Variants in TMEM98 observed in about 807,000 individuals in gnomAD.
TMEM98 encodes the protein transmembrane protein 98.
In TMEM98, 18 loss-of-function variants were observed where a neutral mutation model predicts 25.0. That is an observed-to-expected ratio of 0.72 (90% CI 0.50 to 1.07). The LOEUF (loss-of-function observed/expected upper bound fraction) is 1.07. TMEM98 is among the 50% of genes least tolerant of loss of function. TMEM98 has a pLI of 0.00. For missense variants in TMEM98, 241 were observed against 289.0 expected (o/e 0.83, Z 1.20); for synonymous variants, 103 against 112.4 (o/e 0.92, Z 0.53).
rs375617951 is a variant in TMEM98 at position 32,935,012 on chromosome 17, G to GT, written c.297+699dup. Among the ~76,000 whole-genome samples the GT allele has an allele frequency of 1.0e-2, 1,462 of 146,316 alleles. 18 individuals are homozygous for GT. Among genetic ancestry groups the GT allele is most frequent in the African/African-American group, 0.03 (1,210 of 40,154 alleles). On this transcript the variant is annotated intron_variant, in intron 5 of 7. Transcript: ENST00000579849. ...TATTTGGCCAGTTGCAAATATCAGG[G>GT]TTTTTTTTTTTACATCAGTAACCTG...
At chr17:32,934,145 T>A in intron 4 of TMEM98, 146 bp from the exon 5 acceptor site, 1 of 813,674 alleles carries the variant, frequency 1.2e-6, no homozygotes, top group Non-Finnish European at 2.1e-6. Context: ...ATGGGCTGGT[T>A]CATGTTGACA....
chr17:32,942,233 A>G lies in TMEM98; in HGVS notation c.*1240A>G, dbSNP rs960468846. On this transcript the variant is annotated 3_prime_UTR_variant, in exon 8 of 8. Coordinates refer to ENST00000579849, the MANE Select transcript of TMEM98 (RefSeq NM_015544.3). ...ATTATGAAAGCTATGACCCAGAATC[A>G]CAATTATATAATTTGGATACATACC... 1 of 152,220 alleles carries G rather than the reference A, an allele frequency of 6.6e-6. No homozygotes were observed. Among genetic ancestry groups the G allele is most frequent in the African/African-American group, 2.4e-5 (1 of 41,458 alleles). 9.4% of individuals were successfully genotyped at this position (152,220 alleles called of 1,614,324 possible).
intron 1 of TMEM98, 62 bp from the exon 2 acceptor site, chr17:32,931,265 C>T: frequency 2.5e-6 from 1 of 392,218 alleles, no homozygotes; most frequent in Non-Finnish European, 4.5e-6. Context: ...GGAGCAAATT[C>T]TTCTGAGAAA....
chr17:32,929,001 C>T, intron 1 of TMEM98, among the ~76,000 whole-genome samples: 1 of 150,454 alleles, frequency 6.6e-6, no homozygotes, highest in African/African-American at 2.5e-5. Context: ...CACACTCGCT[C>T]AGAAGCACAC....
At chr17:32,936,516 C>A in intron 6 of TMEM98, 69 bp downstream of exon 6, 1 of 1,369,428 alleles carries the variant, frequency 7.3e-7, no homozygotes, top group Non-Finnish European at 1.0e-6. Flanking sequence ...GCTGGGGTAG[C>A]CGCAGAGCTG....
intron 6 of TMEM98, among the ~76,000 whole-genome samples, chr17:32,937,155 G>A (rs1049585468): frequency 6.6e-6 from 1 of 152,206 alleles, no homozygotes; most frequent in African/African-American, 2.4e-5. Context: ...TCGGGGCCAG[G>A]ATGTTTTCCA....
At chr17:32,937,676 C>G (rs2091504244) in intron 6 of TMEM98, among the ~76,000 whole-genome samples, 1 of 152,172 alleles carries the variant, frequency 6.6e-6, no homozygotes, top group Admixed American at 6.5e-5. Flanking sequence ...CTACAACCCC[C>G]ACCTACCGGG....
chr17:32,938,724 A>G (rs1303305890), intron 6 of TMEM98, among the ~76,000 whole-genome samples: 2 of 152,204 alleles, frequency 1.3e-5, no homozygotes, highest in Non-Finnish European at 2.9e-5. Flanking sequence ...TACTGCAGAC[A>G]TACATGACCT....
intron 1 of TMEM98, among the ~76,000 whole-genome samples, chr17:32,928,641 AAC>A (rs1182866756): frequency 6.6e-6 from 1 of 151,696 alleles, no homozygotes; most frequent in Non-Finnish European, 1.5e-5. Context: ...GAGAAAGAAA[AAC>A]ACAAAGAAAC....
At position 32,941,029 on chromosome 17, in the gene TMEM98, G is replaced by T. The variant is rs1391719510; in HGVS notation, c.*36G>T. The stretch of plus-strand genomic sequence containing the variant: ...CCAGCAGCTAGCCATGAAGGCCCCT[G>T]CCGCCATCCCTGGATGGCTCAGCTT... On this transcript the variant is annotated 3_prime_UTR_variant, in exon 8 of 8. Transcript: ENST00000579849. 1 of 1,545,974 alleles carries T rather than the reference G, an allele frequency of 6.5e-7. No individual in the cohort carries two copies. Among genetic ancestry groups the T allele is most frequent in the Non-Finnish European group, 8.8e-7 (1 of 1,138,154 alleles).
At position 32,939,382 on chromosome 17, in the gene TMEM98, G is replaced by C. The variant is rs999603046; in HGVS notation, c.414-95G>C. ...AGATAGCACCACTGCACTCCAGCCTGGGTGACAGAGCGAGACTCTGTCTCA... is the reference window on the plus strand; with the variant it reads ...AGATAGCACCACTGCACTCCAGCCTCGGTGACAGAGCGAGACTCTGTCTCA... On this transcript the variant is annotated intron_variant, in intron 6 of 7. Transcript: ENST00000579849. The C allele has an allele frequency of 2.8e-5, 38 of 1,351,544 alleles. No individual in the cohort carries two copies. In the African/African-American group the frequency reaches 5.2e-4, roughly 19 times the overall value. The allele number at this position is 1,351,544 out of a possible 1,614,324, so 83.7% of individuals were successfully genotyped here. A position where few individuals can be genotyped will look rare whatever the true frequency, so the allele number is the denominator to read the frequency against.
chr17:32,941,982 C>G lies in TMEM98; in HGVS notation c.*989C>G, dbSNP rs1319179179. 1 of 152,172 alleles carries G rather than the reference C, an allele frequency of 6.6e-6. No individual in the cohort carries two copies. The highest frequency in any genetic ancestry group is 1.5e-5 in the Non-Finnish European group (1 of 68,082). The allele number at this position is 152,172 out of a possible 1,614,324, so 9.4% of individuals were successfully genotyped here. ...GCTTGAGCCCAGGAGGTGAAGGTTGCAGTGAGCCCTGATTGTGCCACTGCA... is the reference window on the plus strand; with the variant it reads ...GCTTGAGCCCAGGAGGTGAAGGTTGGAGTGAGCCCTGATTGTGCCACTGCA... On this transcript the variant is annotated 3_prime_UTR_variant, in exon 8 of 8. Transcript: ENST00000579849.
chr17:32,929,202 ACACT>A (rs989187854), intron 1 of TMEM98, among the ~76,000 whole-genome samples: 12 of 152,054 alleles, frequency 7.9e-5, no homozygotes, highest in Admixed American at 3.9e-4. Context: ...CACAGCTCAC[ACACT>A]CAGAAGCACA....
intron 3 of TMEM98, among the ~76,000 whole-genome samples, chr17:32,932,094 A>ATTTTTT (rs774760952): frequency 6.7e-5 from 8 of 118,988 alleles, no homozygotes; most frequent in African/African-American, 1.4e-4. Context: ...TGCACAGCAG[A>ATTTTTT]TTTTTTTTTT....
At position 32,933,316 on chromosome 17, in the gene TMEM98, G is replaced by T; in HGVS notation, c.263+11G>T. 1 of 1,613,990 alleles carries T rather than the reference G, an allele frequency of 6.2e-7. No individual in the cohort carries two copies. The highest frequency in any genetic ancestry group is 8.5e-7 in the Non-Finnish European group (1 of 1,179,916). Reference sequence around the variant, plus strand: ...GATCGAAGATGCCTCGTAAGGCCATGGGAACTGTTTGCTTCCGGGCTTCTG... The same window carrying T: ...GATCGAAGATGCCTCGTAAGGCCATTGGAACTGTTTGCTTCCGGGCTTCTG... On this transcript the variant is annotated intron_variant, in intron 4 of 7. Transcript: ENST00000579849.
chr17:32,933,438 G>C, intron 4 of TMEM98, 133 bp downstream of exon 4: 1 of 1,265,194 alleles, frequency 7.9e-7, no homozygotes, highest in South Asian at 1.4e-5. Context: ...TGTGCCTTTA[G>C]TGTGGGGGAA....
intron 4 of TMEM98, 39 bp from the exon 5 acceptor site, chr17:32,934,252 C>T: frequency 6.2e-7 from 1 of 1,613,816 alleles, no homozygotes; most frequent in Non-Finnish European, 8.5e-7. Context: ...TGGTGGGCCC[C>T]TCCAGATGAG....
In TMEM98 at chr17:32,934,285, C is replaced by T; in HGVS notation, c.264-6C>T. 4 of 1,614,038 alleles carry T rather than the reference C, an allele frequency of 2.5e-6. No individual in the cohort carries two copies. Among genetic ancestry groups the T allele is most frequent in the Non-Finnish European group, 3.4e-6 (4 of 1,179,978 alleles). On this transcript the variant is annotated splice_region_variant and splice_polypyrimidine_tract_variant and intron_variant, in intron 4 of 7. Transcript: ENST00000579849. Reference sequence around the variant, plus strand: ...GAGCACTGATGACTTCTTCTTGTTTCCCCAGGGGTCTCATGTCCCACTGCA... The same window carrying T: ...GAGCACTGATGACTTCTTCTTGTTTTCCCAGGGGTCTCATGTCCCACTGCA...
intron 5 of TMEM98, among the ~76,000 whole-genome samples, chr17:32,935,425 G>A (rs1377327833): frequency 6.6e-6 from 1 of 152,210 alleles, no homozygotes; most frequent in Non-Finnish European, 1.5e-5. Flanking sequence ...CACCTGTGGT[G>A]TGAGATGAAT....
Sources: allele counts gnomAD v4.1 joint callset (sites outside exome capture counted in the v4.1 genomes callset), GRCh38; gene constraint gnomAD v4.1.1; transcripts MANE v1.5; gene names NCBI Gene and HGNC (gene_info 2026-07-23, HGNC 2026-07-21).